The following GRM5 variants were observed in gnomAD, a reference collection of about 807,000 sequenced individuals.
GRM5 encodes metabotropic glutamate receptor 5.
In GRM5, 19 loss-of-function variants were observed where a neutral mutation model predicts 83.1. That is an observed-to-expected ratio of 0.23 (90% CI 0.16 to 0.34). GRM5 has a LOEUF of 0.34. Ranked by LOEUF, GRM5 falls within the 10% of genes least tolerant of loss-of-function variation. The probability of loss-of-function intolerance (pLI) is 1.00; values close to 1 mark genes in which losing one functional copy is unlikely to be tolerated. For synonymous variants in GRM5, 675 were observed against 633.6 expected, an observed-to-expected ratio of 1.07 and a Z score of -0.98; for missense variants, 1,160 against 1,588.3, an observed-to-expected ratio of 0.73 and a Z score of 4.58.
At chr11:88,510,716 A>G (rs1269328636) in intron 9 of GRM5, among the ~76,000 whole-genome samples, 1 of 152,176 alleles carries the variant, frequency 6.6e-6, no homozygotes, top group East Asian at 1.9e-4. Context: ...GGGTTTCACC[A>G]TGTTGGTAAG....
At chr11:89,058,898 A>C (rs1189524876) in intron 1 of GRM5, among the ~76,000 whole-genome samples, 1 of 151,670 alleles carries the variant, frequency 6.6e-6, no homozygotes, top group East Asian at 1.9e-4. Context: ...ATTAATTTAC[A>C]TGTTGATTTT....
At chr11:88,931,607 G>C (rs1460723159) in intron 2 of GRM5, among the ~76,000 whole-genome samples, 1 of 152,092 alleles carries the variant, frequency 6.6e-6, no homozygotes, top group Non-Finnish European at 1.5e-5. Flanking sequence ...ACAGAGACTT[G>C]TGAATTTCTA....
chr11:88,599,340 A>T (rs907770939), intron 5 of GRM5, among the ~76,000 whole-genome samples: 1 of 152,226 alleles, frequency 6.6e-6, no homozygotes, highest in African/African-American at 2.4e-5. Flanking sequence ...CATTAGAGAC[A>T]ATGAATCCTC....
At chr11:88,927,767 G>A (rs1469929311) in intron 2 of GRM5, among the ~76,000 whole-genome samples, 2 of 152,032 alleles carry the variant, frequency 1.3e-5, no homozygotes, top group Non-Finnish European at 2.9e-5. Context: ...TTGTTTGTGT[G>A]TGTGTTCAAT....
At chr11:88,844,735 T>C (rs924115856) in intron 3 of GRM5, among the ~76,000 whole-genome samples, 10 of 152,004 alleles carry the variant, frequency 6.6e-5, no homozygotes, top group Non-Finnish European at 1.5e-5. Context: ...GCAACAGGAG[T>C]TTGGAAGAAG....
At chr11:88,886,142 A>C (rs985410985) in intron 2 of GRM5, among the ~76,000 whole-genome samples, 1 of 151,966 alleles carries the variant, frequency 6.6e-6, no homozygotes, top group African/African-American at 2.4e-5. Context: ...AGTCCTTTCC[A>C]CTCAGAGACC....
At chr11:88,990,322 A>T (rs1443163063) in intron 2 of GRM5, among the ~76,000 whole-genome samples, 4 of 152,086 alleles carry the variant, frequency 2.6e-5, no homozygotes, top group Non-Finnish European at 5.9e-5. Context: ...GAAGAAGTTG[A>T]ATCTCTGAAT....
intron 2 of GRM5, among the ~76,000 whole-genome samples, chr11:88,928,700 G>A (rs1288477778): frequency 3.9e-5 from 6 of 151,954 alleles, no homozygotes; most frequent in African/African-American, 1.4e-4. Context: ...GCTGTGTCCA[G>A]CTCAATAAGT....
At chr11:88,618,880 C>T (rs1251969331) in intron 4 of GRM5, among the ~76,000 whole-genome samples, 35 of 152,168 alleles carry the variant, frequency 2.3e-4, no homozygotes, top group Admixed American at 2.3e-3. Context: ...ATTAACCTAG[C>T]CATGAGGTTC....
chr11:89,029,046 C>T (rs1052094784), intron 2 of GRM5, among the ~76,000 whole-genome samples: 2 of 151,670 alleles, frequency 1.3e-5, no homozygotes, highest in Non-Finnish European at 2.9e-5. Flanking sequence ...GTTTTCTGTT[C>T]TTGTGTTAGT....
In GRM5 at chr11:88,652,655, T is replaced by C. The variant is rs188294330; in HGVS notation, c.1147+513A>G. ...GCTTGAATGAATGGCTCTACATAGG[T>C]TACGTTTCCTGAAACATCACAATTT... On this transcript the variant is annotated intron_variant, in intron 4 of 9. Coordinates refer to ENST00000305447, the MANE Select transcript of GRM5 (RefSeq NM_001143831.3). Among the ~76,000 whole-genome samples the C allele has an allele frequency of 2.0e-5, 3 of 152,206 alleles. No homozygotes were observed. The East Asian group carries it at 5.8e-4, about 29-fold the overall frequency.
chr11:88,746,072 C>A (rs188616620), intron 3 of GRM5, among the ~76,000 whole-genome samples: 1 of 152,066 alleles, frequency 6.6e-6, no homozygotes, highest in Non-Finnish European at 1.5e-5. Context: ...ATCATTATAG[C>A]CCCCTTTGGT....
At chr11:88,684,926 C>T (rs142599539) in intron 3 of GRM5, among the ~76,000 whole-genome samples, 1,913 of 152,200 alleles carry the variant, frequency 0.013, 41 homozygotes, top group African/African-American at 0.044. Flanking sequence ...TTCCCAGTTT[C>T]GGGTATGTCT....
Position 88,597,184 on chromosome 11 carries a change from C to G in GRM5, c.1563G>C (p.Lys521Asn). The change falls in exon 6 of 10, where the codon AAG (lysine) becomes AAC (asparagine). Residue 521 changes from lysine (K) to asparagine (N), a missense_variant and splice_region_variant. By Grantham distance (94) the Lys-to-Asn change is moderately conservative. This residue lies in a region of GRM5 where 132 missense variants were observed against 245.5 expected (regional missense o/e 0.54). Transcript: ENST00000305447. ...CSEPCEKGQIKVIRKGEVSCC... is the reference protein window; with the variant it reads ...CSEPCEKGQINVIRKGEVSCC... ...GAAAGAAACATAGATTCCATTTTACCTTGATCTGGCCTTTCTCACATGGTT... is the reference window on the plus strand; with the variant it reads ...GAAAGAAACATAGATTCCATTTTACGTTGATCTGGCCTTTCTCACATGGTT... 6.5e-7 allele frequency: 1 copy of G among 1,538,918 alleles called. No homozygotes were observed. The highest frequency in any genetic ancestry group is 8.8e-7 in the Non-Finnish European group (1 of 1,142,446).
intron 3 of GRM5, among the ~76,000 whole-genome samples, chr11:88,772,684 G>A (rs922651422): frequency 6.6e-6 from 1 of 152,086 alleles, no homozygotes; most frequent in African/African-American, 2.4e-5. Flanking sequence ...CCACCTATGA[G>A]TGAGAACATG....
At chr11:88,720,058 CT>C (rs1175940147) in intron 3 of GRM5, among the ~76,000 whole-genome samples, 1 of 151,922 alleles carries the variant, frequency 6.6e-6, no homozygotes, top group Non-Finnish European at 1.5e-5. Context: ...TGTAGAAACT[CT>C]TTATTGCTTG....
intron 2 of GRM5, among the ~76,000 whole-genome samples, chr11:88,958,523 A>T (rs181729106): frequency 0.012 from 1,815 of 152,170 alleles, 31 homozygotes; most frequent in African/African-American, 0.042. Flanking sequence ...CTTAGGCTTA[A>T]ATATTCACAC....
chr11:88,769,102 G>A (rs192785840), intron 3 of GRM5, among the ~76,000 whole-genome samples: 1 of 152,120 alleles, frequency 6.6e-6, no homozygotes, highest in East Asian at 1.9e-4. Flanking sequence ...ATAGGGATAT[G>A]GGGTAACAAT....
At chr11:88,920,963 T>A (rs1188703167) in intron 2 of GRM5, among the ~76,000 whole-genome samples, 2 of 152,192 alleles carry the variant, frequency 1.3e-5, no homozygotes, top group African/African-American at 4.8e-5. Context: ...CAGGTTATAA[T>A]GGCTTTCAAA....
Sources: allele counts gnomAD v4.1 joint callset (sites outside exome capture counted in the v4.1 genomes callset), GRCh38; gene constraint gnomAD v4.1.1; regional missense constraint gnomAD v4.1.1; transcripts MANE v1.5; gene names NCBI Gene and HGNC (gene_info 2026-07-23, HGNC 2026-07-21).